Variants in ANP32B observed in about 807,000 individuals in gnomAD.
ANP32B encodes the protein acidic leucine-rich nuclear phosphoprotein 32 family member B.
ANP32B carries 6 observed loss-of-function variants against 32.2 expected under a neutral mutation model. The ratio of observed to expected loss-of-function variants is 0.19; its 90% CI spans 0.10 to 0.37. The LOEUF (loss-of-function observed/expected upper bound fraction) is 0.37, where lower values mean the gene tolerates loss of function less well. ANP32B is among the 10% of genes least tolerant of loss of function. The pLI is 1.00. For synonymous variants in ANP32B, 98 were observed against 105.8 expected (o/e 0.93, Z 0.45); for missense variants, 204 against 289.2 (o/e 0.71, Z 2.14).
At chr9:98,013,763 G>A (rs1165480699) in intron 6 of ANP32B, among the ~76,000 whole-genome samples, 1 of 151,916 alleles carries the variant, frequency 6.6e-6, no homozygotes, top group Non-Finnish European at 1.5e-5. Context: ...GTCAGGCGTG[G>A]TGGCACGCAC....
intron 4 of ANP32B, 138 bp from the exon 5 acceptor site, chr9:98,011,133 A>C: frequency 7.8e-7 from 1 of 1,274,314 alleles, no homozygotes; most frequent in East Asian, 2.6e-5. Context: ...ACTGAGCTGT[A>C]GCACATAGTA....
chr9:98,001,311 C>T (rs1345051939), intron 3 of ANP32B, among the ~76,000 whole-genome samples: 6 of 151,960 alleles, frequency 3.9e-5, no homozygotes, highest in Admixed American at 3.9e-4. Flanking sequence ...CCTGCCTCAG[C>T]CTCCCAAGTA....
intron 1 of ANP32B, among the ~76,000 whole-genome samples, chr9:97,992,004 A>G (rs1253076359): frequency 2.0e-5 from 3 of 152,190 alleles, no homozygotes; most frequent in South Asian, 4.1e-4. Context: ...CTCATTCCGC[A>G]GTTATGTAGG....
At position 98,011,341 on chromosome 9, in the gene ANP32B, A is replaced by T. The variant is rs1472704292; in HGVS notation, c.588A>T (p.Glu196Asp). Reference sequence around the variant, plus strand: ...AGGAGTTTGATGAAGAAGATGATGAAGATGAAGATGTAGAAGGGGATGAGG... The same window carrying T: ...AGGAGTTTGATGAAGAAGATGATGATGATGAAGATGTAGAAGGGGATGAGG... ...EEEEFDEEDD[E>D]DEDVEGDEDD... Residue 196 changes from glutamate to aspartate, a missense_variant, in exon 5 of 7, where the codon GAA becomes GAT. Coordinates refer to ENST00000339399, the MANE Select transcript of ANP32B (RefSeq NM_006401.3). 6.4e-7 allele frequency: 1 copy of T among 1,553,084 alleles called. No individual in the cohort carries two copies. Among genetic ancestry groups the T allele is most frequent in the East Asian group, 2.4e-5 (1 of 42,088 alleles).
chr9:98,005,570 T>G (rs1416549041), intron 4 of ANP32B, among the ~76,000 whole-genome samples: 1 of 152,076 alleles, frequency 6.6e-6, no homozygotes, highest in Non-Finnish European at 1.5e-5. Flanking sequence ...TAGTGTGTGT[T>G]TGTGTGCGTG....
intron 4 of ANP32B, among the ~76,000 whole-genome samples, chr9:98,006,772 T>A (rs1176571287): frequency 6.6e-6 from 1 of 152,094 alleles, no homozygotes; most frequent in African/African-American, 2.4e-5. Flanking sequence ...GTAGATCACC[T>A]GAGGTCAGGA....
chr9:97,985,907 C>A (rs1278683477), intron 1 of ANP32B, among the ~76,000 whole-genome samples: 1 of 152,192 alleles, frequency 6.6e-6, no homozygotes, highest in Non-Finnish European at 1.5e-5. Context: ...CCTCAGCCTC[C>A]GCTTACCGGG....
At position 97,983,382 on chromosome 9, in the gene ANP32B, G is replaced by C. The variant is rs1827627943; in HGVS notation, c.-174G>C. ...TTCTCTCCGCTCCCGTGAGTAACTT[G>C]GCTCCGGGGGCTCCGCTCGCCTGCC... is the stretch of plus-strand genomic sequence containing the variant. On this transcript the variant is annotated 5_prime_UTR_variant, in exon 1 of 7. Transcript: ENST00000339399. 3.6e-6 allele frequency: 2 copies of C among 563,164 alleles called. No individual in the cohort carries two copies. The highest frequency in any genetic ancestry group is 3.4e-5 in the East Asian group (1 of 29,624). 34.9% of individuals were successfully genotyped at this position (563,164 alleles called of 1,614,324 possible).
Position 97,994,659 on chromosome 9 carries a change from A to T in ANP32B, c.83A>T (p.Lys28Ile). Residue 28 changes from lysine to isoleucine, a missense_variant, in exon 2 of 7, where the codon AAA (lysine) becomes ATA (isoleucine). Transcript: ENST00000339399. ...AVRELVLDNC[K>I]SNDGKIEGLT... ...CGAGAACTTGTCTTGGACAATTGCAAATCAAATGATGGAAAAATTGAGGGC... is the reference window on the plus strand; with the variant it reads ...CGAGAACTTGTCTTGGACAATTGCATATCAAATGATGGAAAAATTGAGGGC... The T allele has an allele frequency of 6.2e-7, 1 of 1,609,446 alleles. No individual in the cohort carries two copies. Among genetic ancestry groups the T allele is most frequent in the Non-Finnish European group, 8.5e-7 (1 of 1,179,034 alleles).
intron 1 of ANP32B, among the ~76,000 whole-genome samples, chr9:97,984,177 G>A (rs1239741360): frequency 1.3e-5 from 2 of 150,470 alleles, no homozygotes; most frequent in Non-Finnish European, 1.5e-5. Flanking sequence ...CTTTTGAAGG[G>A]AGCGAGAAGC....
At chr9:97,995,792 A>G (rs1827893788) in intron 2 of ANP32B, among the ~76,000 whole-genome samples, 1 of 152,062 alleles carries the variant, frequency 6.6e-6, no homozygotes, top group South Asian at 2.1e-4. Flanking sequence ...GCACGGTGGC[A>G]CGCACCTGTA....
chr9:97,998,965 G>A (rs1159844192), intron 3 of ANP32B, among the ~76,000 whole-genome samples: 1 of 71,864 alleles, frequency 1.4e-5, no homozygotes, highest in Non-Finnish European at 2.5e-5. Flanking sequence ...CCGCCACTAC[G>A]CCCGGCTAAT....
intron 4 of ANP32B, among the ~76,000 whole-genome samples, chr9:98,007,523 T>A (rs949790110): frequency 1.3e-5 from 2 of 152,220 alleles, no homozygotes; most frequent in Admixed American, 1.3e-4. Flanking sequence ...TGAGACTATG[T>A]TATGTGTACT....
At chr9:97,984,329 C>T (rs1193185200) in intron 1 of ANP32B, among the ~76,000 whole-genome samples, 1 of 151,398 alleles carries the variant, frequency 6.6e-6, no homozygotes, top group Non-Finnish European at 1.5e-5. Flanking sequence ...CGCCATTTTT[C>T]AAGCCCAAAA....
intron 1 of ANP32B, among the ~76,000 whole-genome samples, chr9:97,992,199 C>A (rs922306866): frequency 1.3e-5 from 2 of 152,146 alleles, no homozygotes; most frequent in Non-Finnish European, 2.9e-5. Context: ...AAGCAATTCT[C>A]CTGCCTCAGC....
intron 1 of ANP32B, among the ~76,000 whole-genome samples, chr9:97,990,316 C>T (rs1435457496): frequency 6.6e-6 from 1 of 152,196 alleles, no homozygotes; most frequent in East Asian, 1.9e-4. Context: ...TATCCGAGCT[C>T]AGAATACCTT....
chr9:98,003,980 C>T (rs989629638), intron 3 of ANP32B, among the ~76,000 whole-genome samples: 1 of 152,316 alleles, frequency 6.6e-6, no homozygotes, highest in East Asian at 1.9e-4. Context: ...GGTCTGCTGT[C>T]ACTTCCTGTT....
chr9:98,011,089 T>C (rs902565976), intron 4 of ANP32B, among the ~76,000 whole-genome samples, 182 bp from the exon 5 acceptor site: 4 of 152,172 alleles, frequency 2.6e-5, no homozygotes, highest in African/African-American at 9.7e-5. Context: ...GACTTCTAGC[T>C]CTCTGATTTT....
intron 1 of ANP32B, among the ~76,000 whole-genome samples, chr9:97,985,121 C>A (rs1382714579): frequency 1.3e-5 from 2 of 151,376 alleles, no homozygotes; most frequent in Non-Finnish European, 3.0e-5. Context: ...CCGGGTGCCC[C>A]AGCGGGCCAG....
Sources: gnomAD v4.1 joint callset for allele counts (sites outside exome capture counted in the v4.1 genomes callset) on GRCh38, gnomAD v4.1.1 for gene constraint, MANE v1.5 for transcripts, NCBI Gene and HGNC (gene_info 2026-07-23, HGNC 2026-07-21) for gene names.